The following PEPD variants were observed in gnomAD, a reference collection of about 807,000 sequenced individuals.
PEPD encodes xaa-Pro dipeptidase.
Under a neutral mutation model 60.7 loss-of-function variants are expected in PEPD, and 53 were observed. The ratio of observed to expected loss-of-function variants is 0.87; its 90% CI spans 0.70 to 1.10. PEPD has a LOEUF of 1.10. PEPD is among the 50% of genes least tolerant of loss of function. PEPD has a pLI of 0.00. For missense variants in PEPD, 711 were observed against 711.9 expected, an observed-to-expected ratio of 1.00 and a Z score of 0.01; for synonymous variants, 267 against 284.1, an observed-to-expected ratio of 0.94 and a Z score of 0.60.
Position 33,387,448 on chromosome 19 carries a change from T to TGTCA in PEPD, c.1374_1377dup (p.Ser460Ter). 6.2e-7 allele frequency: 1 copy of TGTCA among 1,613,978 alleles called. No individual in the cohort carries two copies. Among genetic ancestry groups the TGTCA allele is most frequent in the Non-Finnish European group, 8.5e-7 (1 of 1,180,032 alleles). On this transcript the variant is annotated stop_gained and frameshift_variant, in exon 15 of 15. Coordinates refer to ENST00000244137, the MANE Select transcript of PEPD (RefSeq NM_000285.4). LOFTEE classifies it high-confidence loss of function. ...ACGCAGGTCAGCAGCTCTATGCCGC[T>TGTCA]GTCAGTCACCACGACGTCCTCCTCG...
At chr19:33,423,507 T>C (rs1232789188) in intron 9 of PEPD, among the ~76,000 whole-genome samples, 1 of 152,244 alleles carries the variant, frequency 6.6e-6, no homozygotes, top group Admixed American at 6.5e-5. Flanking sequence ...AGCAGCACAC[T>C]GCAAGGCTCG....
In PEPD at chr19:33,478,073, G is replaced by A; in HGVS notation, c.521C>T (p.Thr174Ile). Residue 174 changes from threonine (T) to isoleucine (I), a missense_variant, in exon 7 of 15, where the codon ACC (threonine) becomes ATC (isoleucine). Transcript: ENST00000244137. ...CTCAACGATCTCTGGGTGAAGAATG[G>A]TATTGTTGACTTCGAACCTGTAGGG... ...DGISKFEVNN[T>I]ILHPEIVECR... is the part of the protein sequence containing the mutation. 1.2e-6 allele frequency: 2 copies of A among 1,610,972 alleles called. No homozygotes were observed. Among genetic ancestry groups the A allele is most frequent in the Non-Finnish European group, 1.7e-6 (2 of 1,177,894 alleles).
intron 12 of PEPD, among the ~76,000 whole-genome samples, chr19:33,393,085 CACAG>C (rs762727720): frequency 7.6e-4 from 115 of 151,938 alleles, no homozygotes; most frequent in South Asian, 1.2e-3. Flanking sequence ...CCACCCCCCA[CACAG>C]AGCAGGGATC....
At chr19:33,480,859 C>A (rs114911019) in intron 6 of PEPD, among the ~76,000 whole-genome samples, 1 of 150,844 alleles carries the variant, frequency 6.6e-6, no homozygotes, top group Non-Finnish European at 1.5e-5. Flanking sequence ...AAACCTAACA[C>A]GTAGCTCTAA....
intron 1 of PEPD, among the ~76,000 whole-genome samples, chr19:33,514,598 A>G: frequency 6.6e-6 from 1 of 151,904 alleles, no homozygotes; most frequent in East Asian, 2.0e-4. Flanking sequence ...CGACCTCCTC[A>G]GCATGCACGC....
chr19:33,420,279 A>G (rs1968984925), intron 9 of PEPD, among the ~76,000 whole-genome samples: 2 of 152,262 alleles, frequency 1.3e-5, no homozygotes, highest in South Asian at 4.1e-4. Flanking sequence ...AATTCTCTGC[A>G]CAAAGAAAAA....
At chr19:33,480,512 T>C (rs1970293399) in intron 6 of PEPD, among the ~76,000 whole-genome samples, 1 of 152,168 alleles carries the variant, frequency 6.6e-6, no homozygotes, top group Non-Finnish European at 1.5e-5. Flanking sequence ...ACAGAAGACC[T>C]GAACAAAAAC....
intron 7 of PEPD, among the ~76,000 whole-genome samples, chr19:33,471,514 C>T (rs953148386): frequency 6.6e-6 from 1 of 152,202 alleles, no homozygotes; most frequent in Non-Finnish European, 1.5e-5. Flanking sequence ...GGTGCCCCAG[C>T]CTCCGTGGGT....
chr19:33,485,701 T>C (rs1318697508), intron 6 of PEPD, among the ~76,000 whole-genome samples: 1 of 152,162 alleles, frequency 6.6e-6, no homozygotes, highest in South Asian at 2.1e-4. Context: ...CAGAATTTCA[T>C]CTTTAACTGC....
chr19:33,453,313 T>TAAAAAAAAAA (rs767526615), intron 9 of PEPD, among the ~76,000 whole-genome samples: 5 of 149,230 alleles, frequency 3.4e-5, no homozygotes, highest in Non-Finnish European at 7.4e-5. Context: ...AACACTGTCA[T>TAAAAAAAAAA]AAAAAAATAA....
chr19:33,477,926 G>A lies in PEPD; in HGVS notation c.548+120C>T. On this transcript the variant is annotated intron_variant, in intron 7 of 14. Transcript: ENST00000244137. ...CAAAACAGAAAAGGCTATGGGAGAA[G>A]GTTCTGGGAATCTGCTTTCTGAGGG... 3 of 752,040 alleles carry A rather than the reference G, an allele frequency of 4.0e-6. No individual in the cohort carries two copies. In the Admixed American group the frequency reaches 6.0e-5, roughly 15 times the overall value. The allele number at this position is 752,040 out of a possible 1,614,324, so 46.6% of individuals were successfully genotyped here.
intron 9 of PEPD, among the ~76,000 whole-genome samples, chr19:33,453,317 AAAATAAATAAAT>A (rs146067299): frequency 6.7e-6 from 1 of 148,656 alleles, no homozygotes; most frequent in Non-Finnish European, 1.5e-5. Flanking sequence ...CTGTCATAAA[AAAATAAATAAAT>A]AAATAAATAA....
chr19:33,397,081 G>A (rs1230058605), intron 12 of PEPD, among the ~76,000 whole-genome samples: 4 of 152,098 alleles, frequency 2.6e-5, no homozygotes, highest in Admixed American at 6.5e-5. Context: ...GGCACTCCCC[G>A]AGGTCCTGCA....
intron 9 of PEPD, among the ~76,000 whole-genome samples, chr19:33,454,739 G>C (rs1969764796): frequency 6.6e-6 from 1 of 152,158 alleles, no homozygotes; most frequent in South Asian, 2.1e-4. Context: ...CTTAAGTGTG[G>C]GTGGCACACA....
intron 9 of PEPD, among the ~76,000 whole-genome samples, chr19:33,435,388 C>T (rs894736778): frequency 6.6e-6 from 1 of 152,198 alleles, no homozygotes; most frequent in Admixed American, 6.5e-5. Flanking sequence ...GCTGGAGGCC[C>T]GGCTGAGGCC....
At chr19:33,500,522 G>C (rs1241439937) in intron 4 of PEPD, among the ~76,000 whole-genome samples, 1 of 152,196 alleles carries the variant, frequency 6.6e-6, no homozygotes, top group African/African-American at 2.4e-5. Flanking sequence ...TACTCTACAA[G>C]CCTTTCACAG....
chr19:33,415,071 A>G (rs1968859643), intron 9 of PEPD, among the ~76,000 whole-genome samples: 1 of 152,202 alleles, frequency 6.6e-6, no homozygotes, highest in African/African-American at 2.4e-5. Flanking sequence ...GCGCCAGGCC[A>G]GACAGGCAGC....
intron 6 of PEPD, among the ~76,000 whole-genome samples, chr19:33,484,025 A>AG (rs1414098450): frequency 1.3e-5 from 2 of 152,288 alleles, no homozygotes; most frequent in East Asian, 3.9e-4. Context: ...GAACAGGGGC[A>AG]GGGACAGGGG....
intron 1 of PEPD, among the ~76,000 whole-genome samples, chr19:33,521,075 C>T (rs998592468): frequency 6.6e-6 from 1 of 152,198 alleles, no homozygotes; most frequent in African/African-American, 2.4e-5. Context: ...CCCATCTGTC[C>T]ACCCTTCCTC....
Sources: allele counts gnomAD v4.1 joint callset (sites outside exome capture counted in the v4.1 genomes callset), GRCh38; gene constraint gnomAD v4.1.1; transcripts MANE v1.5; gene names NCBI Gene and HGNC (gene_info 2026-07-23, HGNC 2026-07-21).